SHC3: variants seen among roughly 807,000 people sequenced by gnomAD.
The protein encoded by SHC3 is SHC adaptor protein 3.
In SHC3, 15 loss-of-function variants were observed where a neutral mutation model predicts 60.4. The observed-to-expected ratio is 0.25, with a 90% confidence interval of 0.17 to 0.38. The LOEUF (loss-of-function observed/expected upper bound fraction) is 0.38. SHC3 is among the 10% of genes least tolerant of loss of function. The pLI, the probability that SHC3 is intolerant of heterozygous loss-of-function variation, is 1.00. For synonymous variants in SHC3, 294 were observed against 325.9 expected, an observed-to-expected ratio of 0.90 and a Z score of 1.05; for missense variants, 677 against 786.1, an observed-to-expected ratio of 0.86 and a Z score of 1.66.
intron 1 of SHC3, among the ~76,000 whole-genome samples, chr9:89,157,920 C>T (rs1826649295): frequency 6.6e-6 from 1 of 152,004 alleles, no homozygotes. Flanking sequence ...GCCACCATGC[C>T]CAGGCTGGTG....
At chr9:89,121,545 C>A (rs11137519) in intron 1 of SHC3, among the ~76,000 whole-genome samples, 3,896 of 152,292 alleles carry the variant, frequency 0.026, 72 homozygotes, top group Middle Eastern at 0.068. Context: ...CCACCTTGGC[C>A]TCCCAAAGTG....
intron 1 of SHC3, among the ~76,000 whole-genome samples, chr9:89,164,681 T>C (rs913692844): frequency 1.1e-4 from 16 of 152,074 alleles, no homozygotes; most frequent in Non-Finnish European, 1.5e-5. Flanking sequence ...CAGAAAAAGG[T>C]GAAAAATGCA....
chr9:89,028,083 T>G (rs1179726672), intron 11 of SHC3, among the ~76,000 whole-genome samples: 2 of 152,228 alleles, frequency 1.3e-5, no homozygotes, highest in Admixed American at 1.3e-4. Flanking sequence ...TGAAGAACTC[T>G]TGGGAGGCAC....
intron 7 of SHC3, among the ~76,000 whole-genome samples, 169 bp from the exon 8 acceptor site, chr9:89,047,163 A>C (rs968430758): frequency 6.6e-6 from 1 of 152,224 alleles, no homozygotes; most frequent in Admixed American, 6.5e-5. Flanking sequence ...TTAGCAAAAT[A>C]TCTCTGCCAT....
chr9:89,041,304 C>T (rs1824683128), intron 10 of SHC3, among the ~76,000 whole-genome samples: 1 of 152,204 alleles, frequency 6.6e-6, no homozygotes, highest in African/African-American at 2.4e-5. Flanking sequence ...CACTATAATG[C>T]TATCTGCAAT....
chr9:89,100,673 G>C (rs1385846049), intron 2 of SHC3, among the ~76,000 whole-genome samples: 13 of 152,122 alleles, frequency 8.5e-5, no homozygotes, highest in Admixed American at 8.5e-4. Context: ...AGCGACCTGT[G>C]ATCTAATTTC....
rs529466807 is a variant in SHC3 at position 89,009,942 on chromosome 9, T to G, written c.*3505A>C. The G allele has an allele frequency of 6.6e-6, 1 of 152,386 alleles. No homozygotes were observed. The highest frequency in any genetic ancestry group is 2.1e-4 in the South Asian group (1 of 4,834). 9.4% of individuals were successfully genotyped at this position (152,386 alleles called of 1,614,324 possible). A position where few individuals can be genotyped will look rare whatever the true frequency, so the allele number is the denominator to read the frequency against. On this transcript the variant is annotated 3_prime_UTR_variant, in exon 12 of 12. Transcript: ENST00000375835. ...CCAGCACCAGACATGGAGGTTGGGC[T>G]GGACACACATGTCCACTGTTCCCCT...
chr9:89,118,220 AT>A lies in SHC3; in HGVS notation c.475-5595del, dbSNP rs370492467. On this transcript the variant is annotated intron_variant, in intron 1 of 11. Coordinates refer to ENST00000375835, the MANE Select transcript of SHC3 (RefSeq NM_016848.6). ...AATTTTTTCCATTCCGTCTCTACCT[AT>A]TTTTTTTTTTTTTTTGCTAACAGAG... Among the ~76,000 whole-genome samples, 1,065 of 130,340 alleles carry A rather than the reference AT, an allele frequency of 8.2e-3. 8 individuals are homozygous for A. Among genetic ancestry groups the A allele is most frequent in the African/African-American group, 0.019 (657 of 35,474 alleles). 85.5% of individuals were successfully genotyped at this position (130,340 alleles called of 152,430 possible).
In SHC3 at chr9:89,007,775, C is replaced by A. The variant is rs1376301628; in HGVS notation, c.*5672G>T. The stretch of plus-strand genomic sequence containing the variant: ...ACCTTCTTCTTTCTTTGTCTTCCCC[C>A]ACTGGCTTCTCTGTCATTTCCCACA... On this transcript the variant is annotated 3_prime_UTR_variant, in exon 12 of 12. Transcript: ENST00000375835. 1 of 152,404 alleles carries A rather than the reference C, an allele frequency of 6.6e-6. No homozygotes were observed. Among genetic ancestry groups the A allele is most frequent in the Admixed American group, 6.5e-5 (1 of 15,284 alleles). The allele number at this position is 152,404 out of a possible 1,614,324, so 9.4% of individuals were successfully genotyped here.
At chr9:89,065,137 G>T (rs1587706732) in intron 6 of SHC3, among the ~76,000 whole-genome samples, 3 of 152,176 alleles carry the variant, frequency 2.0e-5, no homozygotes, top group Non-Finnish European at 1.5e-5. Flanking sequence ...AACCTCTAGG[G>T]CTGGCAGGGC....
intron 2 of SHC3, among the ~76,000 whole-genome samples, chr9:89,098,934 T>C (rs1267895229): frequency 1.3e-5 from 2 of 152,154 alleles, no homozygotes; most frequent in Non-Finnish European, 2.9e-5. Flanking sequence ...ATTGTGCCAC[T>C]GCACTCTAGC....
intron 11 of SHC3, among the ~76,000 whole-genome samples, chr9:89,014,759 A>C (rs1177115745): frequency 6.6e-6 from 1 of 151,896 alleles, no homozygotes; most frequent in African/African-American, 2.4e-5. Flanking sequence ...CTCTCCATCA[A>C]CCTACCAAAG....
intron 11 of SHC3, among the ~76,000 whole-genome samples, chr9:89,031,920 T>C (rs1267673543): frequency 6.6e-6 from 1 of 152,214 alleles, no homozygotes; most frequent in Non-Finnish European, 1.5e-5. Context: ...ACTCATGGAC[T>C]AGAGGGAGCT....
chr9:89,153,347 CG>C (rs1306196763), intron 1 of SHC3, among the ~76,000 whole-genome samples: 1 of 152,172 alleles, frequency 6.6e-6, no homozygotes, highest in Non-Finnish European at 1.5e-5. Context: ...TATAAGGCAG[CG>C]GCCGCTGGGA....
At chr9:89,042,477 G>A (rs763757957) in intron 9 of SHC3, among the ~76,000 whole-genome samples, 4 of 152,192 alleles carry the variant, frequency 2.6e-5, no homozygotes, top group East Asian at 1.9e-4. Flanking sequence ...CCCCAAGACC[G>A]CAGGAGCCTG....
At chr9:89,041,911 C>T in intron 10 of SHC3, 115 bp downstream of exon 10, 1 of 1,333,296 alleles carries the variant, frequency 7.5e-7, no homozygotes, top group Non-Finnish European at 1.0e-6. Flanking sequence ...CTAATCATCA[C>T]CATTAACCAA....
At position 89,086,637 on chromosome 9, in the gene SHC3, C is replaced by G. The variant is rs1223498096; in HGVS notation, c.546-8734G>C. ...CATTAAATCATTAACCATTGGTGAT[C>G]ACTTAATCTTCAGCCCTTCTCCCCT... is the stretch of plus-strand genomic sequence containing the variant. On this transcript the variant is annotated intron_variant, in intron 2 of 11. Transcript: ENST00000375835. Among the ~76,000 whole-genome samples the G allele has an allele frequency of 2.6e-5, 4 of 152,124 alleles. No individual in the cohort carries two copies. In the East Asian group the frequency reaches 7.7e-4, roughly 29 times the overall value.
At chr9:89,155,864 C>T (rs1301545790) in intron 1 of SHC3, among the ~76,000 whole-genome samples, 3 of 152,220 alleles carry the variant, frequency 2.0e-5, no homozygotes, top group Non-Finnish European at 4.4e-5. Flanking sequence ...TACCTCTTTG[C>T]AGAAGAAAAT....
intron 1 of SHC3, among the ~76,000 whole-genome samples, chr9:89,132,739 A>G (rs1247500232): frequency 6.6e-6 from 1 of 152,192 alleles, no homozygotes; most frequent in Non-Finnish European, 1.5e-5. Flanking sequence ...CCTTCCTTAC[A>G]CCTTATACAA....
Sources: allele counts gnomAD v4.1 joint callset (sites outside exome capture counted in the v4.1 genomes callset), GRCh38; gene constraint gnomAD v4.1.1; transcripts MANE v1.5; gene names NCBI Gene and HGNC (gene_info 2026-07-23, HGNC 2026-07-21).